The following IL9R variants were observed in gnomAD, a reference collection of about 807,000 sequenced individuals.
IL9R encodes interleukin 9 receptor.
In IL9R, 54 loss-of-function variants were observed where a neutral mutation model predicts 56.3. The ratio of observed to expected loss-of-function variants is 0.96; its 90% confidence interval spans 0.77 to 1.20. IL9R has a LOEUF of 1.20. IL9R is among the 50% of genes most tolerant of loss of function. The pLI is 0.00. For missense variants in IL9R, 545 were observed against 629.8 expected (o/e 0.87, Z 1.44); for synonymous variants, 212 against 250.2 (o/e 0.85, Z 1.44).
chrX:156,007,439 C>T, intron 7 of IL9R, 84 bp from the exon 8 acceptor site: 2 of 840,104 alleles, frequency 2.4e-6, no homozygotes, highest in Admixed American at 1.9e-5. Context: ...GGACCTCCTG[C>T]TGATGGAAGG....
At chrX:156,009,147 GTGTGTT>G (rs1475709101) in intron 8 of IL9R, among the ~76,000 whole-genome samples, 28 of 150,648 alleles carry the variant, frequency 1.9e-4, no homozygotes, top group African/African-American at 3.0e-4. Context: ...GTTTGTGTGT[GTGTGTT>G]TGTGTTTATG....
intron 7 of IL9R, among the ~76,000 whole-genome samples, chrX:156,006,462 G>C (rs1353835298): frequency 1.3e-5 from 2 of 150,118 alleles, no homozygotes; most frequent in Non-Finnish European, 3.0e-5. Flanking sequence ...TGAAGATAAG[G>C]GCAGCTTGGT....
chrX:156,002,302 A>G (rs756279996), intron 1 of IL9R, among the ~76,000 whole-genome samples: 1 of 152,110 alleles, frequency 6.6e-6, no homozygotes, highest in Non-Finnish European at 1.5e-5. Flanking sequence ...GTGAGCCAAG[A>G]TCACACCACT....
At chrX:156,009,687 G>A in intron 8 of IL9R, 129 bp from the exon 9 acceptor site, 1 of 518,850 alleles carries the variant, frequency 1.9e-6, no homozygotes, top group Non-Finnish European at 3.1e-6. Flanking sequence ...TTGGCCTCTG[G>A]GTGTGGACCT....
Position 156,005,164 on chromosome X carries a change from A to C in IL9R, c.580-114A>C. ...ATGTGGTGAGTGTGTCTGTGTGTTA[A>C]CACAAGTGTGTTCAAGAGTGTGTTA... On this transcript the variant is annotated intron_variant, in intron 5 of 8. Coordinates refer to ENST00000244174, the MANE Select transcript of IL9R (RefSeq NM_002186.3). 3.8e-6 allele frequency: 3 copies of C among 797,310 alleles called. No homozygotes were observed. The Admixed American group carries it at 6.1e-5, about 16-fold the overall frequency. 49.4% of individuals were successfully genotyped at this position (797,310 alleles called of 1,614,324 possible). A position where few individuals can be genotyped will look rare whatever the true frequency, so the allele number is the denominator to read the frequency against.
In IL9R at chrX:155,999,075, G is replaced by A. The variant is rs761235845; in HGVS notation, c.28+1288G>A. 4.6e-5 allele frequency among the ~76,000 whole-genome samples: 7 copies of A among 152,194 alleles called. No homozygotes were observed. In the South Asian group the frequency reaches 1.0e-3, roughly 23 times the overall value. On this transcript the variant is annotated intron_variant, in intron 1 of 8. Coordinates refer to ENST00000244174, the MANE Select transcript of IL9R (RefSeq NM_002186.3). ...GAGAGTTGCCTGTGCTCAGGCTCAG[G>A]GGTTCCGTCCAGCTAAGGAGGCCTA...
rs750536822 is a variant in IL9R at position 156,006,709 on chromosome X, G to A, written c.887+521G>A. Among the ~76,000 whole-genome samples, 7 of 152,190 alleles carry A rather than the reference G, an allele frequency of 4.6e-5. 1 individual carries two copies. The highest frequency in any genetic ancestry group is 1.9e-4 in the East Asian group (1 of 5,172). On this transcript the variant is annotated intron_variant, in intron 7 of 8. Coordinates refer to ENST00000244174, the MANE Select transcript of IL9R (RefSeq NM_002186.3). ...CAGGGTGCAGGGGCCATGTCAGGCC[G>A]CAGATGTGAGGAAGAGGGTGTGGGG... is the stretch of plus-strand genomic sequence containing the variant.
intron 1 of IL9R, among the ~76,000 whole-genome samples, chrX:156,000,634 G>T (rs918667559): frequency 6.6e-6 from 1 of 152,202 alleles, no homozygotes; most frequent in Admixed American, 6.5e-5. Flanking sequence ...ACCAGGTGTT[G>T]TCTGAGCTGT....
intron 6 of IL9R, among the ~76,000 whole-genome samples, chrX:156,005,823 C>T (rs763605759): frequency 9.9e-5 from 15 of 152,186 alleles, no homozygotes; most frequent in African/African-American, 3.6e-4. Flanking sequence ...TGAGATGGCC[C>T]AGGGACTTTA....
rs1438924036 is a variant in IL9R at position 156,007,148 on chromosome X, CTG to C, written c.888-374_888-373del. On this transcript the variant is annotated intron_variant, in intron 7 of 8. Coordinates refer to ENST00000244174, the MANE Select transcript of IL9R (RefSeq NM_002186.3). Reference sequence around the variant, plus strand: ...GGTCAGTGGATCCTTGGCAGCAAGTCTGGTGCTCAGGGAGACACTGGGTGGGG... The same window carrying C: ...GGTCAGTGGATCCTTGGCAGCAAGTCGTGCTCAGGGAGACACTGGGTGGGG... 2.0e-5 allele frequency among the ~76,000 whole-genome samples: 3 copies of C among 149,306 alleles called. No homozygotes were observed. The East Asian group carries it at 6.1e-4, about 30-fold the overall frequency.
At chrX:155,999,435 C>G (rs731478) in intron 1 of IL9R, among the ~76,000 whole-genome samples, 37,378 of 152,002 alleles carry the variant, frequency 0.25, 5,838 homozygotes, top group East Asian at 0.59. Flanking sequence ...CCTGCCTTCC[C>G]TGCACCTTCT....
At chrX:156,009,241 G>GTCTGT (rs1377556588) in intron 8 of IL9R, among the ~76,000 whole-genome samples, 30 of 26,646 alleles carry the variant, frequency 1.1e-3, no homozygotes, top group African/African-American at 3.4e-3. Context: ...GTGTTCGTGT[G>GTCTGT]GTGTGTGTGT....
intron 1 of IL9R, among the ~76,000 whole-genome samples, chrX:156,001,718 G>A (rs1349932268): frequency 6.6e-6 from 1 of 152,080 alleles, no homozygotes; most frequent in Non-Finnish European, 1.5e-5. Context: ...CCTGCTTCCT[G>A]CCTAGGGGCT....
chrX:156,003,903 C>A, intron 4 of IL9R, 48 bp downstream of exon 4: 1 of 1,596,630 alleles, frequency 6.3e-7, no homozygotes, highest in Non-Finnish European at 8.6e-7. Context: ...GCAAGAACAT[C>A]CTGGCTGCTT....
At chrX:156,001,055 C>T (rs1290829512) in intron 1 of IL9R, among the ~76,000 whole-genome samples, 1 of 152,106 alleles carries the variant, frequency 6.6e-6, no homozygotes, top group Non-Finnish European at 1.5e-5. Flanking sequence ...ACCCCCTTGT[C>T]GCTGTACCCA....
rs747804769 is a variant in IL9R, at chrX:156,003,854, C to T, written c.432C>T (p.His144=). Residue 144 remains histidine, a splice_region_variant and synonymous_variant, in exon 4 of 9, where the codon CAC becomes CAT. Transcript: ENST00000244174. ...LVDPEYLPRR[H]VKLDPPSDLQ... Reference sequence around the variant, plus strand: ...ACCCGGAGTACCTGCCCCGGAGACACGGTGAGCAGCAGCTATAGGTCTGGG... The same window carrying T: ...ACCCGGAGTACCTGCCCCGGAGACATGGTGAGCAGCAGCTATAGGTCTGGG... 13 of 1,613,694 alleles carry T rather than the reference C, an allele frequency of 8.1e-6. No individual in the cohort carries two copies. Among genetic ancestry groups the T allele is most frequent in the East Asian group, 6.7e-5 (3 of 44,884 alleles).
chrX:156,002,397 T>C (rs920902723), intron 1 of IL9R, among the ~76,000 whole-genome samples: 4 of 152,158 alleles, frequency 2.6e-5, no homozygotes, highest in African/African-American at 7.2e-5. Context: ...GGGCAAGTCA[T>C]TTCCCCTCCT....
chrX:156,003,657 C>A lies in IL9R; in HGVS notation c.255-20C>A. On this transcript the variant is annotated intron_variant, in intron 3 of 8. Coordinates refer to ENST00000244174, the MANE Select transcript of IL9R (RefSeq NM_002186.3). Reference sequence around the variant, plus strand: ...AGGACAGTGTAGCAGCCCCGTGGTGCTGACAAATGCCCTTTCCAGCAACCA... The same window carrying A: ...AGGACAGTGTAGCAGCCCCGTGGTGATGACAAATGCCCTTTCCAGCAACCA... 1 of 1,612,264 alleles carries A rather than the reference C, an allele frequency of 6.2e-7. No individual in the cohort carries two copies. Among genetic ancestry groups the A allele is most frequent in the Non-Finnish European group, 8.5e-7 (1 of 1,179,000 alleles).
chrX:156,003,077 G>A (rs2067652044), intron 2 of IL9R, 58 bp downstream of exon 2: 14 of 1,606,174 alleles, frequency 8.7e-6, no homozygotes, highest in Non-Finnish European at 1.1e-5. Context: ...GCATGTTTGG[G>A]GGACTGGGTT....
Sources: gnomAD v4.1 joint callset for allele counts (sites outside exome capture counted in the v4.1 genomes callset) on GRCh38, gnomAD v4.1.1 for gene constraint, MANE v1.5 for transcripts, NCBI Gene and HGNC (gene_info 2026-07-23, HGNC 2026-07-21) for gene names.